Variants in DNASE1 observed in about 807,000 individuals in gnomAD.
DNASE1 encodes deoxyribonuclease-1.
In DNASE1, 40 loss-of-function variants were observed where a neutral mutation model predicts 33.9. That is an observed-to-expected ratio of 1.18 (90% confidence interval 0.92 to 1.54). The LOEUF is 1.54. Among genes scored for constraint, DNASE1 ranks in the 40% most tolerant of loss-of-function variants. The pLI, the probability that DNASE1 is intolerant of heterozygous loss-of-function variation, is 0.00. For missense variants in DNASE1, 518 were observed against 372.6 expected, an observed-to-expected ratio of 1.39 and a Z score of -3.21; for synonymous variants, 216 against 160.0, an observed-to-expected ratio of 1.35 and a Z score of -2.64.
chr16:3,659,142 T>C (rs1411984949), downstream of DNASE1: 2 of 348,876 alleles, frequency 5.7e-6, no homozygotes, highest in African/African-American at 4.2e-5. Flanking sequence ...CGTGAAGACA[T>C]GCCTTGGTTC....
chr16:3,638,915 G>T (rs2041953644), upstream of DNASE1, among the ~76,000 whole-genome samples: 1 of 152,020 alleles, frequency 6.6e-6, no homozygotes, highest in African/African-American at 2.4e-5. Flanking sequence ...TTCATTTCAG[G>T]TTTTGTTTTT....
At chr16:3,636,078 C>G (rs975743850) in intron 1 of DNASE1, among the ~76,000 whole-genome samples, 3 of 152,076 alleles carry the variant, frequency 2.0e-5, no homozygotes, top group Admixed American at 2.0e-4. Context: ...ATATTTATGC[C>G]TTTCTAATTG....
chr16:3,655,316 C>CT (rs2042527703), intron 1 of DNASE1, 57 bp from the exon 2 acceptor site: 1 of 1,609,582 alleles, frequency 6.2e-7, no homozygotes, highest in African/African-American at 1.3e-5. Context: ...GGCTGGAGTG[C>CT]TGTGGCAGGG....
chr16:3,628,849 G>A (rs367865133), intron 1 of DNASE1, among the ~76,000 whole-genome samples: 5 of 142,266 alleles, frequency 3.5e-5, no homozygotes, highest in Non-Finnish European at 6.0e-5. Context: ...GTGAGCCACC[G>A]TGCCTGGCTC....
In DNASE1 at chr16:3,657,342, G is replaced by A; in HGVS notation, c.704+1G>A. 10 of 1,612,810 alleles carry A rather than the reference G, an allele frequency of 6.2e-6. No individual in the cohort carries two copies. Among genetic ancestry groups the A allele is most frequent in the Non-Finnish European group, 8.5e-6 (10 of 1,179,952 alleles). On this transcript the variant is annotated splice_donor_variant, in intron 7 of 8. Coordinates refer to ENST00000246949, the MANE Select transcript of DNASE1 (RefSeq NM_005223.4). LOFTEE classifies it high-confidence loss of function. Reference sequence around the variant, plus strand: ...CACCCACGCACTGTGCCTATGACAGGTGAGCAGGGCCTCGCGCTTAGGGCA... The same window carrying A: ...CACCCACGCACTGTGCCTATGACAGATGAGCAGGGCCTCGCGCTTAGGGCA...
intron 4 of DNASE1, 121 bp downstream of exon 4, chr16:3,656,306 C>G (rs1416150785): frequency 8.9e-7 from 1 of 1,124,076 alleles, no homozygotes; most frequent in South Asian, 1.3e-5. Context: ...AGAGCAGGGT[C>G]CAGGGTGGAG....
chr16:3,639,409 C>T (rs1239159305), upstream of DNASE1, among the ~76,000 whole-genome samples: 1 of 152,206 alleles, frequency 6.6e-6, no homozygotes, highest in Non-Finnish European at 1.5e-5. Context: ...CCACACCAAC[C>T]CCCCGGCTTT....
At chr16:3,656,245 G>A in intron 4 of DNASE1, 60 bp downstream of exon 4, 1 of 1,547,102 alleles carries the variant, frequency 6.5e-7, no homozygotes, top group Non-Finnish European at 8.9e-7. Flanking sequence ...CAACAGAGCA[G>A]GGAAGTAGTT....
chr16:3,630,913 G>A (rs1004488142), intron 1 of DNASE1, among the ~76,000 whole-genome samples: 6 of 151,994 alleles, frequency 3.9e-5, no homozygotes, highest in Admixed American at 6.6e-5. Flanking sequence ...TTTTTTCCAC[G>A]TTGCCAATCT....
intron 1 of DNASE1, among the ~76,000 whole-genome samples, chr16:3,626,800 A>G (rs1349729266): frequency 6.6e-6 from 1 of 152,178 alleles, no homozygotes; most frequent in Non-Finnish European, 1.5e-5. Context: ...TTAGATGCGT[A>G]TGCACTTAGG....
At chr16:3,617,505 G>A (rs2041152078) in intron 1 of DNASE1, among the ~76,000 whole-genome samples, 1 of 151,888 alleles carries the variant, frequency 6.6e-6, no homozygotes, top group Non-Finnish European at 1.5e-5. Context: ...AAAATGAGAA[G>A]ACAACCCACA....
chr16:3,665,222 A>C (rs1211836185), exon 10 of DNASE1: 1 of 152,234 alleles, frequency 6.6e-6, no homozygotes, highest in Non-Finnish European at 1.5e-5. Context: ...CGAAGTCGGC[A>C]AACAACCAGA....
In DNASE1 at chr16:3,657,712, C is replaced by CCCATCAGGAT; in HGVS notation, c.705-6_708dup. The CCCATCAGGAT allele has an allele frequency of 6.2e-7, 1 of 1,613,960 alleles. No individual in the cohort carries two copies. The highest frequency in any genetic ancestry group is 8.5e-7 in the Non-Finnish European group (1 of 1,179,986). On this transcript the variant is annotated splice_polypyrimidine_tract_variant and splice_region_variant and intron_variant, in intron 7 of 8. Coordinates refer to ENST00000246949, the MANE Select transcript of DNASE1 (RefSeq NM_005223.4). ...GGGAACCTACTTTCTCTTCCCAACA[C>CCCATCAGGAT]CCATCAGGATCGTGGTTGCAGGGAT...
intron 1 of DNASE1, among the ~76,000 whole-genome samples, chr16:3,631,574 G>T (rs1379182075): frequency 6.6e-6 from 1 of 151,874 alleles, no homozygotes; most frequent in Non-Finnish European, 1.5e-5. Context: ...GCCCAGGCTG[G>T]AGTGCAGTGG....
chr16:3,653,790 G>A (rs1248144390), upstream of DNASE1: 1 of 106,692 alleles, frequency 9.4e-6, no homozygotes, highest in African/African-American at 3.9e-5. Context: ...CTGGGCAGCA[G>A]AGCAAGATTC....
At chr16:3,658,832 G>A (rs369893908), downstream of DNASE1, 152 of 1,613,862 alleles carry the variant, frequency 9.4e-5, 2 homozygotes, top group Middle Eastern at 8.2e-4. Flanking sequence ...GCTCGCTTGC[G>A]CGCAGCTGAT....
At chr16:3,658,428 G>A (rs370281445), downstream of DNASE1, 88 of 603,972 alleles carry the variant, frequency 1.5e-4, 1 homozygote, top group African/African-American at 5.8e-4. Flanking sequence ...CCATTTTTCC[G>A]TTTTTAAAAC....
downstream of DNASE1, chr16:3,660,957 G>T (rs930436848): frequency 6.6e-6 from 1 of 151,932 alleles, no homozygotes; most frequent in East Asian, 1.9e-4. Flanking sequence ...TACATTGTGG[G>T]GGGGGTGGTA....
chr16:3,615,052 G>C (rs999896133), intron 1 of DNASE1, among the ~76,000 whole-genome samples: 33 of 151,884 alleles, frequency 2.2e-4, no homozygotes, highest in Non-Finnish European at 2.6e-4. Context: ...ATTCTCAACT[G>C]AATCACCTGT....
Sources: allele counts gnomAD v4.1 joint callset (sites outside exome capture counted in the v4.1 genomes callset), GRCh38; gene constraint gnomAD v4.1.1; transcripts MANE v1.5; gene names NCBI Gene and HGNC (gene_info 2026-07-23, HGNC 2026-07-21).